The following PCDH11X variants were observed in gnomAD, a reference collection of about 807,000 sequenced individuals.
The protein encoded by PCDH11X is protocadherin 11 X-linked.
Under a neutral mutation model 53.3 loss-of-function variants are expected in PCDH11X, and 18 were observed. The ratio of observed to expected loss-of-function variants is 0.34; its 90% CI spans 0.23 to 0.50. The LOEUF (loss-of-function observed/expected upper bound fraction) is 0.50, where lower values mean the gene tolerates loss of function less well. Among genes scored for constraint, PCDH11X ranks in the 20% least tolerant of loss-of-function variants. The pLI is 0.98. For missense variants in PCDH11X, 570 were observed against 1,032.4 expected (o/e 0.55, Z 6.14); for synonymous variants, 279 against 393.3 (o/e 0.71, Z 3.44).
intron 6 of PCDH11X, among the ~76,000 whole-genome samples, chrX:91,893,346 C>T (rs1569430669): frequency 9.9e-6 from 1 of 100,780 alleles, no homozygotes; most frequent in Non-Finnish European, 2.0e-5. Context: ...GAGAGAACCG[C>T]ATTTTTTTTT....
At chrX:92,031,295 A>G (rs1002552533) in intron 6 of PCDH11X, among the ~76,000 whole-genome samples, 2 of 109,503 alleles carry the variant, frequency 1.8e-5, no homozygotes, top group South Asian at 3.9e-4. Flanking sequence ...AGAAATATCT[A>G]TTGAAATCTT....
intron 8 of PCDH11X, among the ~76,000 whole-genome samples, chrX:92,310,564 T>A (rs1242344630): frequency 9.0e-6 from 1 of 110,593 alleles, no homozygotes; most frequent in African/African-American, 3.3e-5. Context: ...AATTTTTATA[T>A]TTTTAGTAGA....
At chrX:91,924,864 G>A (rs1349772977) in intron 6 of PCDH11X, among the ~76,000 whole-genome samples, 1 of 111,115 alleles carries the variant, frequency 9.0e-6, no homozygotes, top group African/African-American at 3.3e-5. Flanking sequence ...ATGGCTGCTG[G>A]AAATATTTTT....
chrX:92,545,081 G>A (rs1160136316), intron 10 of PCDH11X, among the ~76,000 whole-genome samples: 1 of 111,261 alleles, frequency 9.0e-6, no homozygotes, highest in Non-Finnish European at 1.9e-5. Flanking sequence ...CCAAATGCAT[G>A]CTTCCATGTG....
rs756855883 is a variant in PCDH11X at position 92,280,868 on chromosome X, C to A, written c.3144+17725C>A. On this transcript the variant is annotated intron_variant, in intron 8 of 10. Transcript: ENST00000682573. ...AGTAAATGTGGGGAAAACTTGACAT[C>A]TAGTCTAATATCAATACCAAAATAA... Among the ~76,000 whole-genome samples the A allele has an allele frequency of 3.7e-4, 41 of 110,672 alleles. 1 individual carries two copies. Among genetic ancestry groups the A allele is most frequent in the Non-Finnish European group, 7.0e-4 (37 of 52,966 alleles).
intron 9 of PCDH11X, among the ~76,000 whole-genome samples, chrX:92,427,267 A>C (rs2148621425): frequency 9.5e-6 from 1 of 105,253 alleles, no homozygotes; most frequent in African/African-American, 3.5e-5. Flanking sequence ...AAAAGCATTA[A>C]GTTTCCAAAT....
intron 6 of PCDH11X, among the ~76,000 whole-genome samples, chrX:92,022,444 T>C (rs1191862144): frequency 9.2e-6 from 1 of 108,975 alleles, no homozygotes; most frequent in Non-Finnish European, 1.9e-5. Flanking sequence ...GGGCATTACA[T>C]AATAGTAAAG....
intron 10 of PCDH11X, among the ~76,000 whole-genome samples, chrX:92,580,538 C>T (rs1332689955): frequency 4.5e-5 from 5 of 110,006 alleles, no homozygotes; most frequent in Non-Finnish European, 5.7e-5. Context: ...AGCCACTGTG[C>T]GGTGCTGTGG....
intron 6 of PCDH11X, among the ~76,000 whole-genome samples, chrX:91,893,262 G>C (rs1239445318): frequency 4.5e-5 from 5 of 109,985 alleles, no homozygotes; most frequent in Non-Finnish European, 9.5e-5. Context: ...TTGTCCATGA[G>C]TTATACTCAA....
intron 6 of PCDH11X, among the ~76,000 whole-genome samples, chrX:91,978,409 G>T (rs1368258177): frequency 1.9e-5 from 2 of 104,850 alleles, no homozygotes; most frequent in African/African-American, 3.5e-5. Flanking sequence ...ATCACACTTC[G>T]CACATCTCTT....
chrX:92,108,042 A>G (rs2064424100), intron 6 of PCDH11X, among the ~76,000 whole-genome samples: 1 of 112,449 alleles, frequency 8.9e-6, no homozygotes, highest in Admixed American at 9.4e-5. Flanking sequence ...CTCTTTGACA[A>G]GCTGAGTGAA....
chrX:92,239,057 C>T (rs193198865), intron 7 of PCDH11X, among the ~76,000 whole-genome samples: 4 of 111,152 alleles, frequency 3.6e-5, no homozygotes, highest in African/African-American at 1.3e-4. Flanking sequence ...ATATTATCAG[C>T]CTTTATTTTC....
At chrX:91,944,157 A>T (rs1389773572) in intron 6 of PCDH11X, among the ~76,000 whole-genome samples, 1 of 91,137 alleles carries the variant, frequency 1.1e-5, no homozygotes, top group African/African-American at 3.9e-5. Context: ...AATTTGGGTG[A>T]CCTACTCCAC....
chrX:92,545,387 C>CTTTTTTTTT (rs566573698), intron 10 of PCDH11X, among the ~76,000 whole-genome samples: 2 of 66,044 alleles, frequency 3.0e-5, no homozygotes, highest in Non-Finnish European at 5.3e-5. Context: ...GGTTAAATTC[C>CTTTTTTTTT]TTTTTTTTTT....
chrX:92,208,234 T>G (rs893676268), intron 7 of PCDH11X, among the ~76,000 whole-genome samples: 1 of 105,732 alleles, frequency 9.5e-6, no homozygotes, highest in Non-Finnish European at 1.9e-5. Context: ...CTTTAAAAAT[T>G]TTATATAAAT....
intron 10 of PCDH11X, among the ~76,000 whole-genome samples, chrX:92,500,104 A>G (rs914773733): frequency 2.7e-5 from 3 of 111,430 alleles, no homozygotes; most frequent in Non-Finnish European, 1.9e-5. Context: ...CTAAGCTAAG[A>G]CATTCTTTGA....
At chrX:91,923,772 TA>T (rs1312793268) in intron 6 of PCDH11X, among the ~76,000 whole-genome samples, 4 of 111,082 alleles carry the variant, frequency 3.6e-5, no homozygotes, top group Non-Finnish European at 5.7e-5. Context: ...CCCATTATCC[TA>T]AGTGGATTAA....
At chrX:91,909,963 A>G (rs1941318379) in intron 6 of PCDH11X, among the ~76,000 whole-genome samples, 1 of 111,444 alleles carries the variant, frequency 9.0e-6, no homozygotes, top group African/African-American at 3.3e-5. Context: ...CAAGTACGCA[A>G]TACAGTATGA....
chrX:92,315,572 C>T (rs1268386592), intron 8 of PCDH11X, among the ~76,000 whole-genome samples: 1 of 111,252 alleles, frequency 9.0e-6, no homozygotes, highest in Non-Finnish European at 1.9e-5. Flanking sequence ...AATCTCACTC[C>T]TTCACCCAAG....
Sources: gnomAD v4.1 joint callset for allele counts (sites outside exome capture counted in the v4.1 genomes callset) on GRCh38, gnomAD v4.1.1 for gene constraint, MANE v1.5 for transcripts, NCBI Gene and HGNC (gene_info 2026-07-23, HGNC 2026-07-21) for gene names.